Variants in NXPE2 observed in about 807,000 individuals in gnomAD.
NXPE2 encodes the protein NXPE family member 2.
In NXPE2, 34 loss-of-function variants were observed where a neutral mutation model predicts 34.4. That is an observed-to-expected ratio of 0.99 (90% confidence interval 0.75 to 1.31). The LOEUF is 1.31. Ranked by LOEUF, NXPE2 falls within the 40% of genes most tolerant of loss-of-function variation. The probability of loss-of-function intolerance (pLI) is 0.00; values close to 1 mark genes in which losing one functional copy is unlikely to be tolerated. For missense variants in NXPE2, 649 were observed against 672.5 expected (o/e 0.97, Z 0.39); for synonymous variants, 235 against 231.3 (o/e 1.02, Z -0.15).
the NXPE2 span, among the ~76,000 whole-genome samples, chr11:114,748,883 T>A: frequency 6.6e-6 from 1 of 152,250 alleles, no homozygotes; most frequent in Non-Finnish European, 1.5e-5. Flanking sequence ...GGAATACATA[T>A]GGTTTCCATT....
the NXPE2 span, among the ~76,000 whole-genome samples, chr11:114,777,859 G>GTGAT: frequency 6.6e-6 from 1 of 152,186 alleles, no homozygotes; most frequent in Non-Finnish European, 1.5e-5. Context: ...GGCTTGCTAT[G>GTGAT]TGATTGAAAT....
chr11:114,591,308 C>T, the NXPE2 span, among the ~76,000 whole-genome samples: 1 of 152,170 alleles, frequency 6.6e-6, no homozygotes, highest in African/African-American at 2.4e-5. Flanking sequence ...CATGCTCATG[C>T]TACCATTTGG....
chr11:114,779,479 G>C, the NXPE2 span, among the ~76,000 whole-genome samples: 2 of 152,112 alleles, frequency 1.3e-5, no homozygotes, highest in African/African-American at 4.8e-5. Flanking sequence ...GAGCCACTTG[G>C]AGCGGGGAGA....
At chr11:114,622,052 T>A in the NXPE2 span, among the ~76,000 whole-genome samples, 6 of 152,066 alleles carry the variant, frequency 3.9e-5, no homozygotes, top group Non-Finnish European at 7.4e-5. Flanking sequence ...TAATAAGTAT[T>A]CCTTCATGGG....
At chr11:114,546,231 G>T in the NXPE2 span, among the ~76,000 whole-genome samples, 1 of 152,262 alleles carries the variant, frequency 6.6e-6, no homozygotes, top group Admixed American at 6.5e-5. Flanking sequence ...ACCATTGTAT[G>T]TGTATGCTGG....
chr11:114,581,803 CA>C, the NXPE2 span: 1 of 1,579,124 alleles, frequency 6.3e-7, no homozygotes, highest in African/African-American at 1.4e-5. Flanking sequence ...GACACAAATA[CA>C]GAAATTAATC....
chr11:114,513,674 TAAAAACCCATTTA>T, the NXPE2 span, among the ~76,000 whole-genome samples: 1 of 152,184 alleles, frequency 6.6e-6, no homozygotes, highest in East Asian at 1.9e-4. Context: ...CATAGGATGT[TAAAAACCCATTTA>T]AAAAACCCAT....
chr11:114,710,895 T>C (rs576712589), downstream of NXPE2, among the ~76,000 whole-genome samples: 3 of 152,214 alleles, frequency 2.0e-5, no homozygotes, highest in South Asian at 6.2e-4. Flanking sequence ...TCATATACCA[T>C]GACCAAATGG....
chr11:114,620,568 C>A, the NXPE2 span, among the ~76,000 whole-genome samples: 1 of 151,710 alleles, frequency 6.6e-6, no homozygotes, highest in Non-Finnish European at 1.5e-5. Context: ...CACTGTTACG[C>A]GGTGGATAAT....
the NXPE2 span, chr11:114,571,490 A>G: frequency 6.4e-7 from 1 of 1,567,018 alleles, no homozygotes; most frequent in Non-Finnish European, 8.7e-7. Context: ...ACAAATAGGC[A>G]ATCCCAAAAT....
chr11:114,739,884 G>C, the NXPE2 span, among the ~76,000 whole-genome samples: 1 of 152,140 alleles, frequency 6.6e-6, no homozygotes, highest in Admixed American at 6.6e-5. Flanking sequence ...ATGTTCTTCA[G>C]ATTCATTCAC....
chr11:114,511,783 G>C, the NXPE2 span, among the ~76,000 whole-genome samples: 3 of 152,168 alleles, frequency 2.0e-5, no homozygotes, highest in African/African-American at 7.2e-5. Flanking sequence ...GTTTAGGTGA[G>C]AGCAGGTTGT....
At chr11:114,733,464 T>C in the NXPE2 span, among the ~76,000 whole-genome samples, 2 of 152,194 alleles carry the variant, frequency 1.3e-5, no homozygotes, top group Non-Finnish European at 1.5e-5. Flanking sequence ...TTAGTGGATG[T>C]GGTTTTCTTT....
the NXPE2 span, among the ~76,000 whole-genome samples, chr11:114,566,758 T>C: frequency 1.3e-5 from 2 of 152,190 alleles, no homozygotes; most frequent in Admixed American, 1.3e-4. Context: ...ATGGAGAATA[T>C]TTACATTCTA....
chr11:114,595,979 T>C, the NXPE2 span, among the ~76,000 whole-genome samples: 3 of 152,168 alleles, frequency 2.0e-5, no homozygotes, highest in Admixed American at 2.0e-4. Context: ...GATAAATAAT[T>C]GTATTTAGTT....
At chr11:114,635,883 A>G in the NXPE2 span, among the ~76,000 whole-genome samples, 1 of 151,950 alleles carries the variant, frequency 6.6e-6, no homozygotes, top group Non-Finnish European at 1.5e-5. Context: ...TTTATCGAGA[A>G]TTTTTGCATC....
the NXPE2 span, among the ~76,000 whole-genome samples, chr11:114,576,686 C>T: frequency 6.6e-6 from 1 of 151,258 alleles, no homozygotes; most frequent in South Asian, 2.1e-4. Context: ...CAAAAAAAAT[C>T]AATAATGTTG....
the NXPE2 span, among the ~76,000 whole-genome samples, chr11:114,761,373 T>G: frequency 6.6e-6 from 1 of 152,032 alleles, no homozygotes. Context: ...TACGATGGTG[T>G]TTTATTATTT....
At chr11:114,563,374 C>T in the NXPE2 span, among the ~76,000 whole-genome samples, 1 of 152,136 alleles carries the variant, frequency 6.6e-6, no homozygotes, top group African/African-American at 2.4e-5. Flanking sequence ...CATTCATTTT[C>T]TTATTTACTT....
Sources: gnomAD v4.1 joint callset for allele counts (sites outside exome capture counted in the v4.1 genomes callset) on GRCh38, gnomAD v4.1.1 for gene constraint, MANE v1.5 for transcripts, NCBI Gene and HGNC (gene_info 2026-07-23, HGNC 2026-07-21) for gene names.